GRAMD1C: variants seen among roughly 807,000 people sequenced by gnomAD.
GRAMD1C encodes protein Aster-C.
In GRAMD1C, 89 loss-of-function variants were observed where a neutral mutation model predicts 97.8. The ratio of observed to expected loss-of-function variants is 0.91; its 90% CI spans 0.77 to 1.09. GRAMD1C has a LOEUF of 1.09. GRAMD1C is among the 50% of genes least tolerant of loss of function. GRAMD1C has a pLI of 0.00. For synonymous variants in GRAMD1C, 256 were observed against 267.0 expected, an observed-to-expected ratio of 0.96 and a Z score of 0.40; for missense variants, 740 against 766.4, an observed-to-expected ratio of 0.97 and a Z score of 0.41.
At chr3:113,911,999 C>T (rs376221445) in intron 9 of GRAMD1C, among the ~76,000 whole-genome samples, 74 of 152,148 alleles carry the variant, frequency 4.9e-4, no homozygotes, top group African/African-American at 1.6e-3. Context: ...AATGCTGGGA[C>T]TACAGGCATG....
chr3:113,892,587 G>A (rs1935777337), intron 6 of GRAMD1C, among the ~76,000 whole-genome samples: 1 of 152,212 alleles, frequency 6.6e-6, no homozygotes. Context: ...GTTTAGACGT[G>A]AGTTTAAACT....
intron 1 of GRAMD1C, among the ~76,000 whole-genome samples, chr3:113,841,354 C>A (rs1236961896): frequency 1.4e-5 from 2 of 139,624 alleles, no homozygotes; most frequent in African/African-American, 5.4e-5. Context: ...GGCACAATCT[C>A]AGCTCACCGC....
At chr3:113,872,363 A>G (rs1934849540) in intron 3 of GRAMD1C, among the ~76,000 whole-genome samples, 1 of 146,706 alleles carries the variant, frequency 6.8e-6, no homozygotes, top group Admixed American at 6.7e-5. Flanking sequence ...TATTTGCACT[A>G]CTATGAATCC....
At chr3:113,830,110 G>A (rs963800205) in intron 1 of GRAMD1C, among the ~76,000 whole-genome samples, 3 of 152,154 alleles carry the variant, frequency 2.0e-5, no homozygotes, top group Non-Finnish European at 4.4e-5. Context: ...GTCGGACCAG[G>A]TGTGTCATTT....
intron 2 of GRAMD1C, among the ~76,000 whole-genome samples, chr3:113,860,995 A>T (rs904845464): frequency 2.6e-5 from 4 of 151,846 alleles, no homozygotes; most frequent in African/African-American, 9.7e-5. Context: ...AAACAGAAAA[A>T]AATAGACTTG....
chr3:113,838,931 C>T lies in GRAMD1C; in HGVS notation c.22C>T (p.Arg8Cys), dbSNP rs773648905. The T allele has an allele frequency of 3.6e-6, 4 of 1,108,412 alleles. No individual in the cohort carries two copies. The highest frequency in any genetic ancestry group is 3.6e-5 in the East Asian group (1 of 27,648). 68.7% of individuals were successfully genotyped at this position (1,108,412 alleles called of 1,614,324 possible). The change falls in exon 1 of 18, where the codon CGT (arginine) becomes TGT (cysteine). Residue 8 changes from arginine to cysteine, a missense_variant. Transcript: ENST00000358160. ...CGCGATGGAGGGCGCTCCGACTGTCCGTCAGGTAAGCCGCGGGCCTCGCTG... is the reference window on the plus strand; with the variant it reads ...CGCGATGGAGGGCGCTCCGACTGTCTGTCAGGTAAGCCGCGGGCCTCGCTG... MEGAPTV[R>C]QVMNEGDSSL...
intron 13 of GRAMD1C, among the ~76,000 whole-genome samples, chr3:113,934,830 G>A (rs1052754033): frequency 1.1e-4 from 16 of 151,930 alleles, no homozygotes; most frequent in South Asian, 4.2e-4. Context: ...TGCAACCTCC[G>A]CCTCGTGAGT....
chr3:113,872,710 A>G (rs931851313), intron 3 of GRAMD1C, among the ~76,000 whole-genome samples: 3 of 151,768 alleles, frequency 2.0e-5, no homozygotes, highest in African/African-American at 7.3e-5. Flanking sequence ...GCCATTAAAA[A>G]AAAATCAATT....
chr3:113,886,024 T>C, intron 6 of GRAMD1C: 1 of 1,319,386 alleles, frequency 7.6e-7, no homozygotes, highest in Non-Finnish European at 1.0e-6. Flanking sequence ...CAACATCGGC[T>C]CTGGTGACAG....
chr3:113,836,137 G>A (rs913094220), upstream of GRAMD1C, among the ~76,000 whole-genome samples: 10 of 151,974 alleles, frequency 6.6e-5, no homozygotes, highest in East Asian at 3.9e-4. Flanking sequence ...GGTGGTGGGC[G>A]CCTGTAGTCC....
chr3:113,842,877 C>T (rs978403249), intron 1 of GRAMD1C, among the ~76,000 whole-genome samples: 4 of 151,508 alleles, frequency 2.6e-5, no homozygotes, highest in Non-Finnish European at 5.9e-5. Flanking sequence ...GCAGGAAAAT[C>T]GCTTGAACCC....
intron 9 of GRAMD1C, among the ~76,000 whole-genome samples, chr3:113,912,002 C>T (rs180805325): frequency 5.3e-5 from 8 of 152,340 alleles, no homozygotes; most frequent in Admixed American, 2.0e-4. Flanking sequence ...GCTGGGACTA[C>T]AGGCATGAGC....
At chr3:113,885,080 C>T (rs1037221868) in intron 6 of GRAMD1C, among the ~76,000 whole-genome samples, 19 of 151,886 alleles carry the variant, frequency 1.3e-4, no homozygotes, top group African/African-American at 3.4e-4. Context: ...ATGTGGGCCC[C>T]CGCGGGCTGC....
chr3:113,945,832 C>A lies in GRAMD1C; in HGVS notation c.*354C>A. On this transcript the variant is annotated 3_prime_UTR_variant, in exon 18 of 18. Coordinates refer to ENST00000358160, the MANE Select transcript of GRAMD1C (RefSeq NM_017577.5). Reference sequence around the variant, plus strand: ...TCTGATGCTTTGTTAGCACAGAATCCGTACATGTCCAATAGGTCGCTTTTG... The same window carrying A: ...TCTGATGCTTTGTTAGCACAGAATCAGTACATGTCCAATAGGTCGCTTTTG... 5.2e-6 allele frequency: 1 copy of A among 194,148 alleles called. No homozygotes were observed. Among genetic ancestry groups the A allele is most frequent in the Non-Finnish European group, 1.0e-5 (1 of 96,180 alleles). The allele number at this position is 194,148 out of a possible 1,614,324, so 12.0% of individuals were successfully genotyped here. A position where few individuals can be genotyped will look rare whatever the true frequency, so the allele number is the denominator to read the frequency against.
Position 113,939,706 on chromosome 3 carries a change from A to C in GRAMD1C, c.1692-180A>C. ...ACCTTCCATCTTTTCCTCAACCTCC[A>C]CTTAATACTTACAAGTAATTATTTC... On this transcript the variant is annotated intron_variant, in intron 15 of 17. Coordinates refer to ENST00000358160, the MANE Select transcript of GRAMD1C (RefSeq NM_017577.5). 3 of 504,616 alleles carry C rather than the reference A, an allele frequency of 5.9e-6. No homozygotes were observed. In the South Asian group the frequency reaches 7.2e-5, roughly 12 times the overall value. The allele number at this position is 504,616 out of a possible 1,614,324, so 31.3% of individuals were successfully genotyped here.
chr3:113,935,515 CACAT>C (rs1425241542), intron 13 of GRAMD1C, among the ~76,000 whole-genome samples: 6 of 151,634 alleles, frequency 4.0e-5, no homozygotes, highest in African/African-American at 4.9e-5. Flanking sequence ...CACACACACA[CACAT>C]ATATGCATGT....
At chr3:113,858,676 G>A (rs1934250808) in intron 2 of GRAMD1C, among the ~76,000 whole-genome samples, 1 of 152,100 alleles carries the variant, frequency 6.6e-6, no homozygotes, top group African/African-American at 2.4e-5. Context: ...TTACAGGCGT[G>A]AGCCACTGCA....
chr3:113,833,120 C>CTTTTT (rs200062835), intron 1 of GRAMD1C, among the ~76,000 whole-genome samples: 152 of 129,358 alleles, frequency 1.2e-3, no homozygotes, highest in Non-Finnish European at 1.4e-3. Flanking sequence ...TTCTTTCTTT[C>CTTTTT]TTTTTTTTTT....
intron 4 of GRAMD1C, chr3:113,875,886 T>G (rs1935010510): frequency 2.4e-6 from 1 of 413,734 alleles, no homozygotes; most frequent in Non-Finnish European, 4.3e-6. Context: ...TGATTTTTGT[T>G]TGTGTGTTAA....
Sources: allele counts gnomAD v4.1 joint callset (sites outside exome capture counted in the v4.1 genomes callset), GRCh38; gene constraint gnomAD v4.1.1; transcripts MANE v1.5; gene names NCBI Gene and HGNC (gene_info 2026-07-23, HGNC 2026-07-21).